PHKA1: variants seen among roughly 807,000 people sequenced by gnomAD.
PHKA1 encodes the protein phosphorylase kinase regulatory subunit alpha 1.
A neutral mutation model predicts 110.2 loss-of-function variants in PHKA1; 60 were observed. The observed-to-expected ratio is 0.54, with a 90% CI of 0.44 to 0.68. PHKA1 has a LOEUF of 0.68. PHKA1 is among the 30% of genes least tolerant of loss of function. The probability of loss-of-function intolerance (pLI) is 0.00; values close to 1 mark genes in which losing one functional copy is unlikely to be tolerated. For missense variants in PHKA1, 801 were observed against 942.5 expected (o/e 0.85, Z 1.97); for synonymous variants, 316 against 333.6 (o/e 0.95, Z 0.58).
At chrX:72,672,949 G>A (rs1311575960) in intron 6 of PHKA1, among the ~76,000 whole-genome samples, 1 of 111,849 alleles carries the variant, frequency 8.9e-6, no homozygotes. Flanking sequence ...AAAATAACTG[G>A]CCTATGCTCT....
rs150666188 is a variant in PHKA1 at position 72,708,613 on chromosome X, A to G, written c.238-3368T>C. 3.6e-3 allele frequency among the ~76,000 whole-genome samples: 408 copies of G among 111,968 alleles called. 2 individuals are homozygous for G. The highest frequency in any genetic ancestry group is 6.0e-3 in the Non-Finnish European group (320 of 53,180). ...TAGACTAAGGTTGAGGCAGAAGGGA[A>G]GAGAAAAGAGGGGATAGATTCAAGA... On this transcript the variant is annotated intron_variant, in intron 2 of 31. Transcript: ENST00000373542.
At chrX:72,586,555 G>A (rs782524853) in intron 29 of PHKA1, among the ~76,000 whole-genome samples, 8 of 111,257 alleles carry the variant, frequency 7.2e-5, no homozygotes, top group Admixed American at 9.6e-5. Flanking sequence ...CACCAACAAC[G>A]GAACAAAGCT....
At chrX:72,687,155 T>G (rs1556319114) in intron 4 of PHKA1, among the ~76,000 whole-genome samples, 1 of 111,701 alleles carries the variant, frequency 9.0e-6, no homozygotes, top group Non-Finnish European at 1.9e-5. Context: ...GTCCTTCAGA[T>G]TTTTACTGAA....
At position 72,667,447 on chromosome X, in the gene PHKA1, C is replaced by T. The variant is rs782118035; in HGVS notation, c.645G>A (p.Leu215=). 8.3e-7 allele frequency: 1 copy of T among 1,209,736 alleles called. No individual in the cohort carries two copies. Among genetic ancestry groups the T allele is most frequent in the Non-Finnish European group, 1.1e-6 (1 of 893,643 alleles). Residue 215 remains leucine (L), a synonymous_variant, in exon 7 of 32, where the codon CTG becomes CTA. Coordinates refer to ENST00000373542, the MANE Select transcript of PHKA1 (RefSeq NM_002637.4). ...AKAALEALDE[L]DLFGVKGGPQ... ...GCCCACCTTTCACACCAAACAGATC[C>T]AGTTCATCTAATGCTTCCAGGGCTG...
intron 29 of PHKA1, among the ~76,000 whole-genome samples, chrX:72,584,567 T>A (rs2052387512): frequency 9.0e-6 from 1 of 111,401 alleles, no homozygotes; most frequent in Non-Finnish European, 1.9e-5. Flanking sequence ...GAAAGCTCTA[T>A]CTTTTGGGAT....
intron 4 of PHKA1, among the ~76,000 whole-genome samples, chrX:72,693,783 C>T (rs782271545): frequency 2.2e-4 from 24 of 111,492 alleles, no homozygotes; most frequent in African/African-American, 7.8e-4. Flanking sequence ...TGTCCCTAAA[C>T]TGGGAACTAG....
chrX:72,608,881 A>G (rs1416997603), intron 23 of PHKA1, among the ~76,000 whole-genome samples: 1 of 112,126 alleles, frequency 8.9e-6, no homozygotes, highest in Non-Finnish European at 1.9e-5. Flanking sequence ...TCCTAGTAGA[A>G]AAACAGATTC....
rs1415606215 is a variant in PHKA1 at position 72,614,682 on chromosome X, T to C, written c.2370-3498A>G. On this transcript the variant is annotated intron_variant, in intron 21 of 31. Transcript: ENST00000373542. ...CATTCACATTGTAAGGGAAGAGCAA[T>C]GGTAAATAAAAGTTGAAAGTCAAAT... 2.7e-5 allele frequency among the ~76,000 whole-genome samples: 3 copies of C among 111,611 alleles called. No individual in the cohort carries two copies. The East Asian group carries it at 8.4e-4, about 31-fold the overall frequency.
At chrX:72,690,460 C>G (rs1261954947) in intron 4 of PHKA1, among the ~76,000 whole-genome samples, 4 of 110,897 alleles carry the variant, frequency 3.6e-5, no homozygotes, top group Non-Finnish European at 7.6e-5. Flanking sequence ...TGGCCCTAAC[C>G]CAATAGGGCT....
intron 10 of PHKA1, among the ~76,000 whole-genome samples, chrX:72,655,120 C>T (rs1556300668): frequency 1.8e-5 from 2 of 110,941 alleles, no homozygotes; most frequent in Non-Finnish European, 3.8e-5. Context: ...TTAAAGAATG[C>T]ATATGGCCTG....
At chrX:72,663,781 A>C (rs1166999879) in intron 8 of PHKA1, among the ~76,000 whole-genome samples, 4 of 109,787 alleles carry the variant, frequency 3.6e-5, no homozygotes, top group African/African-American at 1.3e-4. Flanking sequence ...CTATACCCAG[A>C]ATTAGACCAG....
chrX:72,581,269 T>C (rs2052333182), intron 31 of PHKA1, 94 bp from the exon 32 acceptor site: 1 of 578,700 alleles, frequency 1.7e-6, no homozygotes, highest in Non-Finnish European at 3.0e-6. Context: ...CAGAACCTCC[T>C]CCCCAACACC....
At chrX:72,657,528 G>A (rs2053510313) in intron 9 of PHKA1, 60 bp downstream of exon 9, 1 of 817,846 alleles carries the variant, frequency 1.2e-6, no homozygotes, top group East Asian at 3.1e-5. Flanking sequence ...TTCTCTGAAT[G>A]AGGCTGCAGG....
At chrX:72,706,703 A>G (rs987583313) in intron 2 of PHKA1, among the ~76,000 whole-genome samples, 1 of 111,527 alleles carries the variant, frequency 9.0e-6, no homozygotes, top group Non-Finnish European at 1.9e-5. Context: ...CTATTCTGTA[A>G]GAATCCTGGG....
rs1257810451 is a variant in PHKA1, at chrX:72,627,818, T to G, written c.1715-769A>C. On this transcript the variant is annotated intron_variant, in intron 16 of 31. Coordinates refer to ENST00000373542, the MANE Select transcript of PHKA1 (RefSeq NM_002637.4). ...GAAAGACTTTTTCCTACACTTTTTT[T>G]TTTTTTTTTTTTTTTTTGAGACAGA... Among the ~76,000 whole-genome samples the G allele has an allele frequency of 3.2e-5, 3 of 92,808 alleles. No individual in the cohort carries two copies. The East Asian group carries it at 9.7e-4, about 30-fold the overall frequency. The allele number at this position is 92,808 out of a possible 115,157, so 80.6% of individuals were successfully genotyped here.
chrX:72,708,996 T>C, intron 2 of PHKA1, among the ~76,000 whole-genome samples: 1 of 111,583 alleles, frequency 9.0e-6, no homozygotes, highest in South Asian at 3.8e-4. Flanking sequence ...GAGTTTCCAT[T>C]GTTTTGTAGT....
chrX:72,637,813 G>C (rs1386085182), intron 14 of PHKA1, among the ~76,000 whole-genome samples: 3 of 111,413 alleles, frequency 2.7e-5, no homozygotes, highest in African/African-American at 6.5e-5. Context: ...AGAATCTGTT[G>C]ATAGCTTTGG....
intron 21 of PHKA1, among the ~76,000 whole-genome samples, chrX:72,616,044 C>A (rs1308713819): frequency 1.8e-5 from 2 of 111,576 alleles, no homozygotes; most frequent in Non-Finnish European, 3.8e-5. Context: ...AAGCAAAAGA[C>A]AACAGACGTA....
chrX:72,607,021 A>G (rs2052738233), intron 23 of PHKA1, among the ~76,000 whole-genome samples: 1 of 111,696 alleles, frequency 9.0e-6, no homozygotes, highest in South Asian at 3.8e-4. Flanking sequence ...AATGACCTCC[A>G]GTTCCATCCA....
Sources: allele counts gnomAD v4.1 joint callset (sites outside exome capture counted in the v4.1 genomes callset), GRCh38; gene constraint gnomAD v4.1.1; transcripts MANE v1.5; gene names NCBI Gene and HGNC (gene_info 2026-07-23, HGNC 2026-07-21).